The following CPNE8 variants were observed in gnomAD, a reference collection of about 807,000 sequenced individuals.
CPNE8 encodes the protein copine-8.
In CPNE8, 45 loss-of-function variants were observed where a neutral mutation model predicts 81.5. The observed-to-expected ratio is 0.55, with a 90% CI of 0.44 to 0.71. The LOEUF is 0.71. Ranked by LOEUF, CPNE8 falls within the 30% of genes least tolerant of loss-of-function variation. The pLI is 0.00. For synonymous variants in CPNE8, 252 were observed against 226.3 expected (o/e 1.11, Z -1.02); for missense variants, 594 against 672.1 (o/e 0.88, Z 1.28).
At chr12:38,670,476 G>T (rs1939150142) in intron 19 of CPNE8, among the ~76,000 whole-genome samples, 1 of 151,764 alleles carries the variant, frequency 6.6e-6, no homozygotes, top group Non-Finnish European at 1.5e-5. Context: ...CATATTTTAG[G>T]ATCTATTTCT....
At chr12:38,806,841 T>C (rs1009298240) in intron 6 of CPNE8, among the ~76,000 whole-genome samples, 2 of 150,230 alleles carry the variant, frequency 1.3e-5, no homozygotes, top group African/African-American at 4.8e-5. Flanking sequence ...CATGCTGGTA[T>C]ATCTAGAAAA....
chr12:38,809,928 T>C (rs978243476), intron 6 of CPNE8, among the ~76,000 whole-genome samples: 5 of 152,090 alleles, frequency 3.3e-5, no homozygotes, highest in Admixed American at 1.3e-4. Context: ...AGGGAGGAAA[T>C]AAAAGGTAAA....
intron 6 of CPNE8, among the ~76,000 whole-genome samples, chr12:38,787,434 T>C (rs559011797): frequency 1.7e-4 from 25 of 148,312 alleles, no homozygotes; most frequent in Admixed American, 1.3e-3. Flanking sequence ...ATCAAACCTA[T>C]GGGATACAGA....
At chr12:38,725,374 T>C (rs1350300164) in intron 11 of CPNE8, among the ~76,000 whole-genome samples, 1 of 152,216 alleles carries the variant, frequency 6.6e-6, no homozygotes, top group Non-Finnish European at 1.5e-5. Flanking sequence ...CCATGCTACA[T>C]AATAATTGGT....
In CPNE8 at chr12:38,905,470, G is replaced by C; in HGVS notation, c.65C>G (p.Pro22Arg). Residue 22 changes from proline (P) to arginine (R), a missense_variant, in exon 1 of 20, where the codon CCG becomes CGG. Coordinates refer to ENST00000331366, the MANE Select transcript of CPNE8 (RefSeq NM_153634.3). ...CACGGACACCTCCACCCGCGTGGCC[G>C]GGATGGCAGCGCTCAGCTGGTTCAA... ...GDLNQLSAAIPATRVEVSVSC... is the reference protein window; with the variant it reads ...GDLNQLSAAIRATRVEVSVSC... 1 of 1,574,426 alleles carries C rather than the reference G, an allele frequency of 6.4e-7. No homozygotes were observed. The highest frequency in any genetic ancestry group is 8.6e-7 in the Non-Finnish European group (1 of 1,159,924).
At chr12:38,746,454 T>TA (rs1941229074) in intron 10 of CPNE8, among the ~76,000 whole-genome samples, 1 of 152,202 alleles carries the variant, frequency 6.6e-6, no homozygotes, top group South Asian at 2.1e-4. Context: ...GTAAGATAGT[T>TA]AGACACCATA....
At chr12:38,806,531 G>C (rs534022444) in intron 6 of CPNE8, among the ~76,000 whole-genome samples, 4 of 150,026 alleles carry the variant, frequency 2.7e-5, no homozygotes, top group Non-Finnish European at 4.5e-5. Context: ...ATGCAGAAAA[G>C]CCCTTTGACA....
rs200043737 is a variant in CPNE8, at chr12:38,654,052, A to G, written c.1525T>C (p.Tyr509His). ...ATGTGGTTTCCACTTCTGTCAATAT[A>G]ATCCCTGAATGGCACAAACTAAAAC... ...DIVQFVPFRD[Y>H]IDRSGNHILS... is the part of the protein sequence containing the mutation. Residue 509 changes from tyrosine to histidine, a missense_variant, in exon 20 of 20, where the codon TAT becomes CAT. Tyr to His is a moderately conservative substitution (Grantham distance 83). Transcript: ENST00000331366. The G allele has an allele frequency of 6.8e-5, 109 of 1,605,158 alleles. No individual in the cohort carries two copies. The highest frequency in any genetic ancestry group is 1.8e-4 in the Middle Eastern group (1 of 5,694).
intron 1 of CPNE8, among the ~76,000 whole-genome samples, chr12:38,892,294 T>C (rs2137144885): frequency 6.6e-6 from 1 of 152,320 alleles, no homozygotes; most frequent in East Asian, 1.9e-4. Flanking sequence ...CATGCTAGCA[T>C]ACTTGGACTT....
intron 13 of CPNE8, among the ~76,000 whole-genome samples, chr12:38,717,909 C>A (rs1203287681): frequency 6.6e-6 from 1 of 151,990 alleles, no homozygotes. Context: ...GCAATCAGTG[C>A]TCTTATCTTA....
intron 10 of CPNE8, among the ~76,000 whole-genome samples, chr12:38,760,285 T>C (rs1941545527): frequency 6.6e-6 from 1 of 151,808 alleles, no homozygotes; most frequent in Non-Finnish European, 1.5e-5. Flanking sequence ...AGAAACAAAA[T>C]ATGCTTAAAA....
intron 6 of CPNE8, among the ~76,000 whole-genome samples, chr12:38,802,819 G>A (rs1258498722): frequency 2.9e-5 from 4 of 137,968 alleles, no homozygotes; most frequent in Admixed American, 7.3e-5. Flanking sequence ...AAATGATAAA[G>A]GGGATATCAC....
At chr12:38,697,820 C>T (rs1467290241) in intron 14 of CPNE8, among the ~76,000 whole-genome samples, 2 of 152,112 alleles carry the variant, frequency 1.3e-5, no homozygotes, top group African/African-American at 4.8e-5. Context: ...CTCTCTCTCT[C>T]TTGCTCCCAA....
chr12:38,704,420 AG>A (rs1940034609), intron 13 of CPNE8, among the ~76,000 whole-genome samples: 1 of 152,142 alleles, frequency 6.6e-6, no homozygotes, highest in South Asian at 2.1e-4. Flanking sequence ...AGATAAATAC[AG>A]ATATATACTG....
intron 1 of CPNE8, among the ~76,000 whole-genome samples, chr12:38,888,449 A>G (rs2137136380): frequency 6.6e-6 from 1 of 152,318 alleles, no homozygotes; most frequent in South Asian, 2.1e-4. Flanking sequence ...TTTAAGCAAT[A>G]TCTTCTGTAA....
At chr12:38,802,577 C>T (rs1393641333) in intron 6 of CPNE8, among the ~76,000 whole-genome samples, 7 of 133,154 alleles carry the variant, frequency 5.3e-5, no homozygotes, top group African/African-American at 1.9e-4. Context: ...AAATTGACAC[C>T]CTAACATCAC....
intron 8 of CPNE8, among the ~76,000 whole-genome samples, chr12:38,764,180 A>C (rs1362054318): frequency 6.6e-6 from 1 of 152,162 alleles, no homozygotes; most frequent in African/African-American, 2.4e-5. Context: ...CAAGTAAGAC[A>C]GAGGGGCAGA....
chr12:38,811,550 T>C (rs746425266), intron 6 of CPNE8, among the ~76,000 whole-genome samples: 1 of 152,180 alleles, frequency 6.6e-6, no homozygotes, highest in Non-Finnish European at 1.5e-5. Context: ...TTCCATAATA[T>C]AATTGTTTAA....
At chr12:38,700,857 T>C (rs1349152668) in intron 14 of CPNE8, among the ~76,000 whole-genome samples, 1 of 152,168 alleles carries the variant, frequency 6.6e-6, no homozygotes, top group African/African-American at 2.4e-5. Flanking sequence ...AATGCTCTCT[T>C]GCCTGCCACC....
Sources: gnomAD v4.1 joint callset for allele counts (sites outside exome capture counted in the v4.1 genomes callset) on GRCh38, gnomAD v4.1.1 for gene constraint, MANE v1.5 for transcripts, NCBI Gene and HGNC (gene_info 2026-07-23, HGNC 2026-07-21) for gene names.